The following LRCH3 variants were observed in gnomAD, a reference collection of about 807,000 sequenced individuals.
LRCH3 encodes DISP complex protein LRCH3.
LRCH3 carries 68 observed loss-of-function variants against 104.5 expected under a neutral mutation model. The ratio of observed to expected loss-of-function variants is 0.65; its 90% CI spans 0.54 to 0.80. The LOEUF (loss-of-function observed/expected upper bound fraction) is 0.80, where lower values mean the gene tolerates loss of function less well. LRCH3 is among the 30% of genes least tolerant of loss of function. The pLI is 0.00. For synonymous variants in LRCH3, 344 were observed against 361.3 expected (o/e 0.95, Z 0.54); for missense variants, 951 against 953.9 (o/e 1.00, Z 0.04).
At chr3:197,880,943 G>T in intron 20 of LRCH3, 1 of 1,393,892 alleles carries the variant, frequency 7.2e-7, no homozygotes. Context: ...TTTTCTCCTG[G>T]TCATCCGTCC....
rs984928134 is a variant in LRCH3 at position 197,810,729 on chromosome 3, GA to G, written c.263-4171del. ...ATTTAATTTTTTAAATTATTGTGGA[GA>G]AAAAAAACAGAAAAAGGAAAAAGTA... On this transcript the variant is annotated intron_variant, in intron 1 of 20. Transcript: ENST00000425562. This position sits in a 1 kb window ranked among gnomAD's most constrained non-coding sequence, Gnocchi z 4.0. 6.6e-6 allele frequency among the ~76,000 whole-genome samples: 1 copy of G among 150,832 alleles called. No individual in the cohort carries two copies. Among genetic ancestry groups the G allele is most frequent in the African/African-American group, 2.4e-5 (1 of 41,036 alleles).
At chr3:197,827,113 CAT>C in intron 5 of LRCH3, 99 bp downstream of exon 5, 1 of 1,541,858 alleles carries the variant, frequency 6.5e-7, no homozygotes, top group Non-Finnish European at 8.8e-7. Context: ...TCAGGTAAAT[CAT>C]AGTGGAAGCA....
At chr3:197,880,647 G>A in intron 20 of LRCH3, 6 of 1,536,778 alleles carry the variant, frequency 3.9e-6, no homozygotes, top group African/African-American at 1.4e-5. Flanking sequence ...TCTGGGTTTT[G>A]TGGCATTTTA....
At chr3:197,863,343 A>G (rs1333422338) in intron 15 of LRCH3, among the ~76,000 whole-genome samples, 4 of 152,034 alleles carry the variant, frequency 2.6e-5, no homozygotes, top group Admixed American at 6.6e-5. Flanking sequence ...GCTCACTGCA[A>G]CCTCCGCCTC....
At chr3:197,872,704 A>G (rs1382001172) in intron 19 of LRCH3, among the ~76,000 whole-genome samples, 2 of 152,172 alleles carry the variant, frequency 1.3e-5, no homozygotes, top group South Asian at 2.1e-4. Context: ...TAAAAATACA[A>G]AATTAGCCAG....
chr3:197,806,112 G>C (rs970644290), intron 1 of LRCH3, among the ~76,000 whole-genome samples: 5 of 151,962 alleles, frequency 3.3e-5, no homozygotes, highest in African/African-American at 1.2e-4. Context: ...TTTTAGTAGA[G>C]ACGGGGTTTC....
chr3:197,870,450 A>G (rs772744343), intron 18 of LRCH3, among the ~76,000 whole-genome samples, 172 bp downstream of exon 18: 10 of 151,938 alleles, frequency 6.6e-5, no homozygotes, highest in Non-Finnish European at 1.2e-4. Context: ...ACTGCAGCCT[A>G]TGCCTCGTGG....
At chr3:197,862,276 G>A (rs1740973737) in intron 15 of LRCH3, among the ~76,000 whole-genome samples, 2 of 144,068 alleles carry the variant, frequency 1.4e-5, no homozygotes, top group East Asian at 1.9e-4. Context: ...GATTACAGGC[G>A]TGAGCCTACT....
chr3:197,868,677 T>TATACAGC (rs1236805845), intron 17 of LRCH3, among the ~76,000 whole-genome samples: 2 of 152,250 alleles, frequency 1.3e-5, no homozygotes, highest in African/African-American at 4.8e-5. Flanking sequence ...CCAATTCCTA[T>TATACAGC]ATACAGCAAC....
chr3:197,879,578 G>A (rs144116546), intron 20 of LRCH3, among the ~76,000 whole-genome samples: 8,438 of 148,556 alleles, frequency 0.057, 1,024 homozygotes, highest in African/African-American at 0.2. Flanking sequence ...CCCGGGAGGC[G>A]GAGCTTGCAG....
At chr3:197,843,115 A>G (rs1480179782) in intron 10 of LRCH3, among the ~76,000 whole-genome samples, 2 of 151,424 alleles carry the variant, frequency 1.3e-5, no homozygotes, top group African/African-American at 4.9e-5. Flanking sequence ...TATAGGGCCT[A>G]CTTATAATTT....
chr3:197,860,671 A>G lies in LRCH3; in HGVS notation c.1716+1766A>G, dbSNP rs145632809. 8.2e-4 allele frequency among the ~76,000 whole-genome samples: 124 copies of G among 152,116 alleles called. 1 individual carries two copies. The East Asian group carries it at 0.015, about 19-fold the overall frequency. ...TATGGGGTTCATGAGGTATTTTGAT[A>G]TAGGTATACAGTGCATAATAATTAT... On this transcript the variant is annotated intron_variant, in intron 15 of 20. Transcript: ENST00000425562.
chr3:197,874,074 T>C (rs1181383266), intron 19 of LRCH3, among the ~76,000 whole-genome samples: 4 of 151,338 alleles, frequency 2.6e-5, no homozygotes, highest in Non-Finnish European at 5.9e-5. Flanking sequence ...GTGTTGTAGT[T>C]ACATTTAAAT....
intron 12 of LRCH3, among the ~76,000 whole-genome samples, chr3:197,848,851 A>G (rs9325409): frequency 0.048 from 7,352 of 152,256 alleles, 629 homozygotes; most frequent in African/African-American, 0.17. Flanking sequence ...TTACTGTTTT[A>G]CCTGATAAAC....
rs1375159369 is a variant in LRCH3 at position 197,814,854 on chromosome 3, CAATAA to C, written c.263-48_263-44del. ...GTTTATGTGGAAAATCAAAAGATTT[CAATAA>C]AATAAGTTCCAAGGACTGATTTTAA... On this transcript the variant is annotated intron_variant, in intron 1 of 20. Coordinates refer to ENST00000425562, the MANE Select transcript of LRCH3 (RefSeq NM_001365715.1). 33 of 1,422,730 alleles carry C rather than the reference CAATAA, an allele frequency of 2.3e-5. No individual in the cohort carries two copies. In the African/African-American group the frequency reaches 4.7e-4, roughly 20 times the overall value. 88.1% of individuals were successfully genotyped at this position (1,422,730 alleles called of 1,614,324 possible). A position where few individuals can be genotyped will look rare whatever the true frequency, so the allele number is the denominator to read the frequency against.
intron 1 of LRCH3, among the ~76,000 whole-genome samples, chr3:197,797,779 G>C (rs546562107): frequency 1.3e-5 from 2 of 151,568 alleles, no homozygotes; most frequent in African/African-American, 4.9e-5. Context: ...GGAATCGCTT[G>C]TGCCGGGGAG....
chr3:197,861,844 T>A (rs1415659016), intron 15 of LRCH3, among the ~76,000 whole-genome samples: 1 of 152,190 alleles, frequency 6.6e-6, no homozygotes, highest in Non-Finnish European at 1.5e-5. Context: ...TCACAGTGAT[T>A]TAAGCTAATG....
At chr3:197,828,376 C>T (rs191633323) in intron 5 of LRCH3, among the ~76,000 whole-genome samples, 4 of 152,086 alleles carry the variant, frequency 2.6e-5, no homozygotes, top group East Asian at 1.9e-4. Flanking sequence ...GAAGGAGTCT[C>T]GCTCTGTTGC....
intron 12 of LRCH3, chr3:197,851,094 A>G: frequency 3.4e-6 from 2 of 582,018 alleles, no homozygotes; most frequent in Non-Finnish European, 6.3e-6. Flanking sequence ...TGTGATTAGA[A>G]CAAGGCAGGT....
Sources: allele counts gnomAD v4.1 joint callset (sites outside exome capture counted in the v4.1 genomes callset), GRCh38; gene constraint gnomAD v4.1.1; non-coding constraint Gnocchi (gnomAD v3.1); transcripts MANE v1.5; gene names NCBI Gene and HGNC (gene_info 2026-07-23, HGNC 2026-07-21).